Variants in NPM2 observed in about 807,000 individuals in gnomAD.
The protein encoded by NPM2 is nucleophosmin/nucleoplasmin 2.
NPM2 carries 25 observed loss-of-function variants against 32.0 expected under a neutral mutation model. The observed-to-expected ratio is 0.78, with a 90% CI of 0.57 to 1.09. The LOEUF (loss-of-function observed/expected upper bound fraction) is 1.09. Ranked by LOEUF, NPM2 falls within the 50% of genes least tolerant of loss-of-function variation. The pLI, the probability that NPM2 is intolerant of heterozygous loss-of-function variation, is 0.00. For missense variants in NPM2, 282 were observed against 259.9 expected (o/e 1.08, Z -0.58); for synonymous variants, 111 against 94.2 (o/e 1.18, Z -1.04).
chr8:22,034,547 A>T lies in NPM2; in HGVS notation c.566+3A>T. Reference sequence around the variant, plus strand: ...GAAAAAGAAGAAGAGGAAATAAGGTAACTCTTTCTACCTATTAAATTAGCC... The same window carrying T: ...GAAAAAGAAGAAGAGGAAATAAGGTTACTCTTTCTACCTATTAAATTAGCC... On this transcript the variant is annotated splice_donor_region_variant and intron_variant, in intron 8 of 9. Coordinates refer to ENST00000518119, the MANE Select transcript of NPM2 (RefSeq NM_001286680.2). The T allele has an allele frequency of 6.2e-7, 1 of 1,607,870 alleles. No individual in the cohort carries two copies. The highest frequency in any genetic ancestry group is 8.5e-7 in the Non-Finnish European group (1 of 1,174,712).
chr8:22,027,930 A>G (rs1436008088), intron 5 of NPM2, among the ~76,000 whole-genome samples: 1 of 151,932 alleles, frequency 6.6e-6, no homozygotes, highest in Non-Finnish European at 1.5e-5. Flanking sequence ...TCCCACACCC[A>G]TATCTGATCT....
At chr8:22,034,786 A>G (rs913155127) in intron 8 of NPM2, among the ~76,000 whole-genome samples, 2 of 152,224 alleles carry the variant, frequency 1.3e-5, no homozygotes, top group African/African-American at 4.8e-5. Context: ...AATTCCATCC[A>G]AATTTCAGGG....
rs570073972 is a variant in NPM2 at position 22,036,746 on chromosome 8, G to T, written c.*64G>T. ...TCCCTGGGCTGTGCTGCAGGCACAG[G>T]GTGCCCCTGTCCAGCCCCTCCACCT... On this transcript the variant is annotated 3_prime_UTR_variant, in exon 10 of 10. Transcript: ENST00000518119. 91 of 1,473,590 alleles carry T rather than the reference G, an allele frequency of 6.2e-5. No homozygotes were observed. In the African/African-American group the frequency reaches 1.2e-3, roughly 19 times the overall value. The allele number at this position is 1,473,590 out of a possible 1,614,324, so 91.3% of individuals were successfully genotyped here.
chr8:22,029,310 AT>A (rs1290073523), intron 5 of NPM2, among the ~76,000 whole-genome samples: 12 of 151,890 alleles, frequency 7.9e-5, no homozygotes, highest in Admixed American at 7.2e-4. Context: ...TGCCCAGCTA[AT>A]TTTTGTATTT....
intron 5 of NPM2, among the ~76,000 whole-genome samples, chr8:22,030,298 G>A (rs539594864): frequency 6.6e-6 from 1 of 152,178 alleles, no homozygotes; most frequent in South Asian, 2.1e-4. Flanking sequence ...GAGTGCAGTG[G>A]CCTGATCATG....
In NPM2 at chr8:22,036,684, G is replaced by A; in HGVS notation, c.*2G>A. 1 of 1,546,850 alleles carries A rather than the reference G, an allele frequency of 6.5e-7. No homozygotes were observed. The highest frequency in any genetic ancestry group is 8.7e-7 in the Non-Finnish European group (1 of 1,146,074). ...AAGAAGCCAGGATTCAAGAAATGAG[G>A]AGCCACGCCTTGGGGGGCACGGTGC... On this transcript the variant is annotated 3_prime_UTR_variant, in exon 10 of 10. Coordinates refer to ENST00000518119, the MANE Select transcript of NPM2 (RefSeq NM_001286680.2).
At chr8:22,027,706 G>A (rs1390469464) in intron 5 of NPM2, among the ~76,000 whole-genome samples, 2 of 151,092 alleles carry the variant, frequency 1.3e-5, no homozygotes, top group East Asian at 3.9e-4. Flanking sequence ...TCCCATGTTC[G>A]AGTGATTCTC....
chr8:22,034,170 A>C lies in NPM2; in HGVS notation c.426A>C (p.Glu142Asp). 1.2e-6 allele frequency: 2 copies of C among 1,612,710 alleles called. No individual in the cohort carries two copies. The highest frequency in any genetic ancestry group is 1.7e-6 in the Non-Finnish European group (2 of 1,179,436). ...AAGAAGGGGAGGAGGAGGAAGAGGA[A>C]GAGGAAGATGATGAGGATGAGGATG... ...EEEEGEEEEE[E>D]EEDDEDEDAD... Residue 142 changes from glutamate (E) to aspartate (D), a missense_variant, in exon 7 of 10, where the codon GAA (glutamate) becomes GAC (aspartate). Coordinates refer to ENST00000518119, the MANE Select transcript of NPM2 (RefSeq NM_001286680.2).
chr8:22,025,952 T>G (rs1800236303), intron 5 of NPM2, among the ~76,000 whole-genome samples, 180 bp downstream of exon 5: 1 of 152,158 alleles, frequency 6.6e-6, no homozygotes, highest in South Asian at 2.1e-4. Context: ...CTGTGTGACC[T>G]TGGGCCAGTT....
intron 5 of NPM2, among the ~76,000 whole-genome samples, chr8:22,030,053 C>T (rs1346756821): frequency 6.6e-6 from 1 of 152,046 alleles, no homozygotes; most frequent in Non-Finnish European, 1.5e-5. Context: ...TTCCAGTCTC[C>T]CTAGTCCCTT....
At chr8:22,026,270 A>G (rs959181358) in intron 5 of NPM2, among the ~76,000 whole-genome samples, 1 of 151,912 alleles carries the variant, frequency 6.6e-6, no homozygotes, top group Non-Finnish European at 1.5e-5. Context: ...TCCATGCAAA[A>G]ATTGTCTTCC....
chr8:22,030,205 G>A (rs535670351), intron 5 of NPM2, among the ~76,000 whole-genome samples: 3 of 152,202 alleles, frequency 2.0e-5, no homozygotes, highest in African/African-American at 7.2e-5. Flanking sequence ...GCTTCTGCTG[G>A]TTTTTTCTGC....
intron 5 of NPM2, among the ~76,000 whole-genome samples, chr8:22,032,164 C>T (rs1007794897): frequency 6.6e-6 from 1 of 152,174 alleles, no homozygotes; most frequent in Non-Finnish European, 1.5e-5. Flanking sequence ...GTGCCTGACA[C>T]GTGGCAGAAG....
intron 5 of NPM2, among the ~76,000 whole-genome samples, chr8:22,028,819 T>G (rs151252361): frequency 8.6e-4 from 131 of 152,348 alleles, no homozygotes; most frequent in African/African-American, 3.1e-3. Flanking sequence ...TATGTATCTT[T>G]TACACAGTAT....
In NPM2 at chr8:22,027,002, A is replaced by T. The variant is rs888637109; in HGVS notation, c.270+1230A>T. 6.6e-5 allele frequency among the ~76,000 whole-genome samples: 10 copies of T among 152,294 alleles called. No homozygotes were observed. In the East Asian group the frequency reaches 1.9e-3, roughly 29 times the overall value. ...TACCAAATGCTTTTCTATTCATATG[A>T]TTCTAGGTTCTTTAGTCCACGTGGT... On this transcript the variant is annotated intron_variant, in intron 5 of 9. Coordinates refer to ENST00000518119, the MANE Select transcript of NPM2 (RefSeq NM_001286680.2).
At chr8:22,030,061 C>G (rs932754444) in intron 5 of NPM2, among the ~76,000 whole-genome samples, 1 of 152,074 alleles carries the variant, frequency 6.6e-6, no homozygotes, top group African/African-American at 2.4e-5. Context: ...TCCCTAGTCC[C>G]TTTTCCAATT....
chr8:22,036,642 A>AAGCCAC lies in NPM2; in HGVS notation c.611_616dup (p.Thr204_Ala205dup), dbSNP rs1233992450. 6.4e-7 allele frequency: 1 copy of AAGCCAC among 1,550,960 alleles called. No homozygotes were observed. The highest frequency in any genetic ancestry group is 8.7e-7 in the Non-Finnish European group (1 of 1,147,032). On this transcript the variant is annotated inframe_insertion, in exon 10 of 10. Transcript: ENST00000518119. ...AGCCCTGCCTTCCCTCCACAGGCCA[A>AAGCCAC]AGCCACAGCCAGAGCCAAGAAGCCA...
intron 5 of NPM2, 25 bp from the exon 6 acceptor site, chr8:22,033,105 T>C: frequency 1.3e-6 from 2 of 1,589,320 alleles, no homozygotes; most frequent in Middle Eastern, 1.7e-4. Flanking sequence ...AGTGGCCCTG[T>C]CTTCTCTGCT....
intron 5 of NPM2, 59 bp from the exon 6 acceptor site, chr8:22,033,071 A>G: frequency 7.9e-7 from 1 of 1,260,378 alleles, no homozygotes; most frequent in South Asian, 1.2e-5. Flanking sequence ...GCCTGAGGCT[A>G]GTCCCCGAGA....
Sources: gnomAD v4.1 joint callset for allele counts (sites outside exome capture counted in the v4.1 genomes callset) on GRCh38, gnomAD v4.1.1 for gene constraint, MANE v1.5 for transcripts, NCBI Gene and HGNC (gene_info 2026-07-23, HGNC 2026-07-21) for gene names.